Variants in ROBO1 observed in about 807,000 individuals in gnomAD.
ROBO1 encodes roundabout homolog 1.
A neutral mutation model predicts 195.9 loss-of-function variants in ROBO1; 149 were observed. That is an observed-to-expected ratio of 0.76 (90% CI 0.67 to 0.87). The LOEUF is 0.87. Ranked by LOEUF, ROBO1 falls within the 40% of genes least tolerant of loss-of-function variation. The pLI, the probability that ROBO1 is intolerant of heterozygous loss-of-function variation, is 0.00. For synonymous variants in ROBO1, 816 were observed against 733.2 expected (o/e 1.11, Z -1.82); for missense variants, 1,933 against 2,068.3 (o/e 0.93, Z 1.27).
intron 2 of ROBO1, among the ~76,000 whole-genome samples, chr3:79,494,304 G>A (rs1451455396): frequency 6.6e-6 from 1 of 151,704 alleles, no homozygotes; most frequent in Non-Finnish European, 1.5e-5. Context: ...AACAATTAAG[G>A]AATAAGCCAC....
chr3:79,188,760 G>A (rs1300363202), intron 2 of ROBO1, among the ~76,000 whole-genome samples: 1 of 151,680 alleles, frequency 6.6e-6, no homozygotes, highest in Non-Finnish European at 1.5e-5. Context: ...GTTCTTTACT[G>A]TATTCCTCAA....
At chr3:79,075,218 C>A (rs547329795) in intron 3 of ROBO1, among the ~76,000 whole-genome samples, 57 of 151,880 alleles carry the variant, frequency 3.8e-4, no homozygotes, top group African/African-American at 1.4e-3. Flanking sequence ...ATAGAAAAAC[C>A]TACCAGGGTG....
chr3:79,064,414 A>G (rs769519653), intron 3 of ROBO1, among the ~76,000 whole-genome samples: 1 of 151,952 alleles, frequency 6.6e-6, no homozygotes, highest in Non-Finnish European at 1.5e-5. Flanking sequence ...GCTAATCAAT[A>G]TAAACCCCAA....
At chr3:78,864,013 A>G (rs554950676) in intron 4 of ROBO1, among the ~76,000 whole-genome samples, 2 of 152,336 alleles carry the variant, frequency 1.3e-5, no homozygotes, top group African/African-American at 4.8e-5. Context: ...TCATAGCAAT[A>G]TAAGGGCCTT....
intron 1 of ROBO1, among the ~76,000 whole-genome samples, chr3:79,734,011 G>A (rs942542443): frequency 2.1e-4 from 31 of 149,828 alleles, no homozygotes; most frequent in Non-Finnish European, 4.1e-4. Flanking sequence ...GCAATGGTGC[G>A]ATCTGGTCTC....
intron 4 of ROBO1, among the ~76,000 whole-genome samples, chr3:78,875,802 C>T (rs2035806800): frequency 6.6e-6 from 1 of 151,864 alleles, no homozygotes; most frequent in African/African-American, 2.4e-5. Context: ...AATATCAAGC[C>T]CTTACCTGAC....
intron 4 of ROBO1, among the ~76,000 whole-genome samples, chr3:78,868,746 A>T (rs1032368532): frequency 1.3e-5 from 2 of 152,150 alleles, no homozygotes; most frequent in Non-Finnish European, 2.9e-5. Flanking sequence ...AAAAAAACAC[A>T]CTTGGTACAT....
chr3:79,114,380 A>G (rs1576690173), intron 3 of ROBO1, among the ~76,000 whole-genome samples: 2 of 152,218 alleles, frequency 1.3e-5, no homozygotes, highest in South Asian at 4.1e-4. Flanking sequence ...CAGTAAATGA[A>G]CAATACTAAA....
intron 2 of ROBO1, among the ~76,000 whole-genome samples, chr3:79,189,204 A>G (rs1576792105): frequency 6.6e-6 from 1 of 151,950 alleles, no homozygotes; most frequent in Non-Finnish European, 1.5e-5. Flanking sequence ...CTCATCTATT[A>G]ACATCAGGAA....
chr3:78,921,879 C>T (rs2038954883), intron 4 of ROBO1, among the ~76,000 whole-genome samples: 2 of 151,780 alleles, frequency 1.3e-5, no homozygotes, highest in South Asian at 2.1e-4. Flanking sequence ...CTCCGCCTCT[C>T]GGGTTCAAGC....
chr3:79,504,140 G>A (rs1940266933), intron 2 of ROBO1, among the ~76,000 whole-genome samples: 1 of 152,092 alleles, frequency 6.6e-6, no homozygotes, highest in Admixed American at 6.5e-5. Flanking sequence ...AAATTTAGAT[G>A]TAATACTATA....
At chr3:79,752,588 A>G (rs1319783990) in intron 1 of ROBO1, among the ~76,000 whole-genome samples, 1 of 152,148 alleles carries the variant, frequency 6.6e-6, no homozygotes, top group Admixed American at 6.5e-5. Context: ...AAATTATGGT[A>G]ATTTGCTTGG....
At chr3:78,844,990 G>C (rs538249394) in intron 4 of ROBO1, among the ~76,000 whole-genome samples, 4 of 152,096 alleles carry the variant, frequency 2.6e-5, no homozygotes, top group Admixed American at 6.6e-5. Context: ...AGATCACTCT[G>C]ATATCAACTT....
intron 1 of ROBO1, among the ~76,000 whole-genome samples, chr3:79,730,047 T>A (rs763628664): frequency 5.9e-5 from 9 of 152,332 alleles, no homozygotes; most frequent in Non-Finnish European, 1.0e-4. Flanking sequence ...TTCACCTGTG[T>A]ATTATCCCCA....
At chr3:79,498,874 G>C (rs939879830) in intron 2 of ROBO1, among the ~76,000 whole-genome samples, 6 of 151,776 alleles carry the variant, frequency 4.0e-5, no homozygotes, top group Non-Finnish European at 7.4e-5. Flanking sequence ...AAAAAAAAAA[G>C]ATTTGTGATT....
At chr3:79,633,727 T>TA (rs11328587) in intron 1 of ROBO1, among the ~76,000 whole-genome samples, 114 of 151,416 alleles carry the variant, frequency 7.5e-4, no homozygotes, top group African/African-American at 2.5e-3. Context: ...AATAGTGATT[T>TA]AAAAAAAAAC....
chr3:79,357,154 G>T (rs2035589295), intron 2 of ROBO1, among the ~76,000 whole-genome samples: 1 of 152,144 alleles, frequency 6.6e-6, no homozygotes, highest in East Asian at 1.9e-4. Flanking sequence ...AATTACCCTA[G>T]AAATTTCCAC....
At chr3:79,633,309 G>A (rs1430583727) in intron 1 of ROBO1, among the ~76,000 whole-genome samples, 2 of 149,894 alleles carry the variant, frequency 1.3e-5, no homozygotes, top group Non-Finnish European at 3.0e-5. Context: ...GAATAACTGG[G>A]ACAACAGGTG....
At chr3:79,351,852 T>A (rs2035355979) in intron 2 of ROBO1, among the ~76,000 whole-genome samples, 1 of 152,182 alleles carries the variant, frequency 6.6e-6, no homozygotes, top group Non-Finnish European at 1.5e-5. Flanking sequence ...GCACAGTGTG[T>A]CCTTAACACA....
Sources: gnomAD v4.1 joint callset for allele counts (sites outside exome capture counted in the v4.1 genomes callset) on GRCh38, gnomAD v4.1.1 for gene constraint, MANE v1.5 for transcripts, NCBI Gene and HGNC (gene_info 2026-07-23, HGNC 2026-07-21) for gene names.